KCTD16: variants seen among roughly 807,000 people sequenced by gnomAD.
KCTD16 encodes the protein potassium channel tetramerization domain containing 16.
A neutral mutation model predicts 33.2 loss-of-function variants in KCTD16; 13 were observed. That is an observed-to-expected ratio of 0.39 (90% CI 0.25 to 0.62). The LOEUF is 0.62. KCTD16 is among the 20% of genes least tolerant of loss of function. The pLI, the probability that KCTD16 is intolerant of heterozygous loss-of-function variation, is 0.50. For synonymous variants in KCTD16, 197 were observed against 195.3 expected (o/e 1.01, Z -0.07); for missense variants, 441 against 525.1 (o/e 0.84, Z 1.57).
rs769555508 is a variant in KCTD16 at position 144,310,796 on chromosome 5, G to A, written c.832+103250G>A. On this transcript the variant is annotated intron_variant, in intron 3 of 3. Transcript: ENST00000512467. ...TAATTCTTAATTGGCTGGTGAGAAAGGAAAATTACCCAAACTGAAATTCAC... is the reference window on the plus strand; with the variant it reads ...TAATTCTTAATTGGCTGGTGAGAAAAGAAAATTACCCAAACTGAAATTCAC... 7.9e-5 allele frequency among the ~76,000 whole-genome samples: 12 copies of A among 152,142 alleles called. No homozygotes were observed. The South Asian group carries it at 2.5e-3, about 32-fold the overall frequency.
intron 2 of KCTD16, among the ~76,000 whole-genome samples, chr5:144,195,078 C>A (rs551479494): frequency 2.6e-5 from 4 of 152,294 alleles, no homozygotes; most frequent in Admixed American, 2.6e-4. Context: ...CCCAGACCCT[C>A]AGGATATCCT....
Position 144,329,096 on chromosome 5 carries a change from A to G in KCTD16, c.832+121550A>G, listed in dbSNP as rs935948175. ...TTTGAAATATTGTTTGCATCCCACA[A>G]TGTTGACACCCTTGGGAGGAAACAA... On this transcript the variant is annotated intron_variant, in intron 3 of 3. Transcript: ENST00000512467. 5.3e-5 allele frequency among the ~76,000 whole-genome samples: 8 copies of G among 152,174 alleles called. No individual in the cohort carries two copies. In the East Asian group the frequency reaches 1.5e-3, roughly 29 times the overall value.
chr5:144,463,123 A>G (rs1007035585), intron 3 of KCTD16, among the ~76,000 whole-genome samples: 1 of 152,184 alleles, frequency 6.6e-6, no homozygotes, highest in Non-Finnish European at 1.5e-5. Context: ...AGACTTTTAT[A>G]TTATGGACTT....
chr5:144,435,407 C>T (rs896715511), intron 3 of KCTD16, among the ~76,000 whole-genome samples: 8 of 152,200 alleles, frequency 5.3e-5, no homozygotes, highest in African/African-American at 1.9e-4. Context: ...GTTTTCCCTA[C>T]ACCAGTTTAT....
chr5:144,342,861 C>G lies in KCTD16; in HGVS notation c.833-130799C>G, dbSNP rs971276588. On this transcript the variant is annotated intron_variant, in intron 3 of 3. Coordinates refer to ENST00000512467, the MANE Select transcript of KCTD16 (RefSeq NM_020768.4). ...TCATGTGGTTTTTGTCTTTGGTTCT[C>G]TTTATATGCTGGATTACATTTATTG... Among the ~76,000 whole-genome samples the G allele has an allele frequency of 1.9e-3, 282 of 152,158 alleles. 2 individuals are homozygous for G. The highest frequency in any genetic ancestry group is 6.1e-3 in the African/African-American group (255 of 41,504).
chr5:144,325,601 A>T (rs1395270721), intron 3 of KCTD16, among the ~76,000 whole-genome samples: 2 of 150,854 alleles, frequency 1.3e-5, no homozygotes, highest in East Asian at 3.9e-4. Context: ...CTCTTTTCTT[A>T]TTCTCTATTC....
chr5:144,454,171 T>C (rs1754010276), intron 3 of KCTD16, among the ~76,000 whole-genome samples: 1 of 152,194 alleles, frequency 6.6e-6, no homozygotes, highest in Non-Finnish European at 1.5e-5. Flanking sequence ...ATCCTTGTGC[T>C]ATGTATTATT....
intron 2 of KCTD16, among the ~76,000 whole-genome samples, chr5:144,198,772 A>G (rs546225812): frequency 2.6e-5 from 4 of 152,306 alleles, no homozygotes; most frequent in Non-Finnish European, 4.4e-5. Context: ...CAAATTATCA[A>G]TCTCCAAGGG....
chr5:144,339,642 G>A (rs1290333948), intron 3 of KCTD16, among the ~76,000 whole-genome samples: 1 of 152,156 alleles, frequency 6.6e-6, no homozygotes, highest in African/African-American at 2.4e-5. Flanking sequence ...AGTGCCTCAA[G>A]GAATTGAATA....
At chr5:144,229,413 G>A (rs1754031000) in intron 3 of KCTD16, among the ~76,000 whole-genome samples, 1 of 152,148 alleles carries the variant, frequency 6.6e-6, no homozygotes, top group Admixed American at 6.5e-5. Flanking sequence ...TGAGCTTATG[G>A]AGGGTCAATG....
chr5:144,232,850 G>A (rs1294486121), intron 3 of KCTD16, among the ~76,000 whole-genome samples: 1 of 152,008 alleles, frequency 6.6e-6, no homozygotes, highest in Non-Finnish European at 1.5e-5. Flanking sequence ...TTAAATTAAA[G>A]TCATTAAAAC....
At chr5:144,421,492 G>A (rs969534110) in intron 3 of KCTD16, among the ~76,000 whole-genome samples, 7 of 152,094 alleles carry the variant, frequency 4.6e-5, no homozygotes, top group Admixed American at 6.6e-5. Flanking sequence ...GACTTGAAAC[G>A]AGACAGAATA....
intron 3 of KCTD16, among the ~76,000 whole-genome samples, chr5:144,395,349 C>A (rs1219453042): frequency 6.6e-6 from 1 of 152,078 alleles, no homozygotes; most frequent in Admixed American, 6.6e-5. Context: ...AATCAAAATG[C>A]AAGTTTATTT....
intron 3 of KCTD16, among the ~76,000 whole-genome samples, chr5:144,455,196 C>A (rs1334391398): frequency 6.6e-6 from 1 of 151,924 alleles, no homozygotes; most frequent in East Asian, 1.9e-4. Flanking sequence ...ACACCCCTAA[C>A]TTTAGAGCAA....
At chr5:144,313,534 C>A (rs1388859870) in intron 3 of KCTD16, among the ~76,000 whole-genome samples, 1 of 152,152 alleles carries the variant, frequency 6.6e-6, no homozygotes, top group African/African-American at 2.4e-5. Context: ...GAAAGTGCAG[C>A]TACAATTTTT....
chr5:144,210,199 C>T (rs1753337672), intron 3 of KCTD16, among the ~76,000 whole-genome samples: 1 of 152,032 alleles, frequency 6.6e-6, no homozygotes. Flanking sequence ...TTTAAATTTT[C>T]ATGTGGACCT....
At chr5:144,233,312 G>A (rs1450398228) in intron 3 of KCTD16, among the ~76,000 whole-genome samples, 1 of 152,028 alleles carries the variant, frequency 6.6e-6, no homozygotes, top group Non-Finnish European at 1.5e-5. Context: ...TTAATACCAG[G>A]AGAAATTCTG....
rs143619927 is a variant in KCTD16 at position 144,239,261 on chromosome 5, G to T, written c.832+31715G>T. On this transcript the variant is annotated intron_variant, in intron 3 of 3. Transcript: ENST00000512467. ...GAAGAGAAATAATGTGCTCTTCCTGGTGCTGTGTAGCCATGATATCTTTCT... is the reference window on the plus strand; with the variant it reads ...GAAGAGAAATAATGTGCTCTTCCTGTTGCTGTGTAGCCATGATATCTTTCT... Among the ~76,000 whole-genome samples, 369 of 152,206 alleles carry T rather than the reference G, an allele frequency of 2.4e-3. 1 individual carries two copies. The highest frequency in any genetic ancestry group is 8.5e-3 in the African/African-American group (355 of 41,532).
At chr5:144,248,474 G>T (rs1754609511) in intron 3 of KCTD16, among the ~76,000 whole-genome samples, 1 of 152,148 alleles carries the variant, frequency 6.6e-6, no homozygotes, top group Non-Finnish European at 1.5e-5. Flanking sequence ...ACATTGTGAG[G>T]AATTTGATTT....
Sources: allele counts gnomAD v4.1 joint callset (sites outside exome capture counted in the v4.1 genomes callset), GRCh38; gene constraint gnomAD v4.1.1; transcripts MANE v1.5; gene names NCBI Gene and HGNC (gene_info 2026-07-23, HGNC 2026-07-21).